Variants in EIF1AD observed in about 807,000 individuals in gnomAD.
EIF1AD encodes eukaryotic translation initiation factor 1A domain containing, also known as probable RNA-binding protein EIF1AD.
A neutral mutation model predicts 21.7 loss-of-function variants in EIF1AD; 9 were observed. The observed-to-expected ratio is 0.41, with a 90% CI of 0.25 to 0.72. The LOEUF is 0.72. Among genes scored for constraint, EIF1AD ranks in the 30% least tolerant of loss-of-function variants. The pLI, the probability that EIF1AD is intolerant of heterozygous loss-of-function variation, is 0.29. For synonymous variants in EIF1AD, 78 were observed against 70.9 expected, an observed-to-expected ratio of 1.10 and a Z score of -0.50; for missense variants, 164 against 199.7, an observed-to-expected ratio of 0.82 and a Z score of 1.08.
In EIF1AD at chr11:66,000,347, G is replaced by A; in HGVS notation, c.43C>T (p.Leu15=). ...TCGGAGGGCACTATGTGCTCCCCTAGCACCTCCTTCACCACATGCTTCCTC... is the reference window on the plus strand; with the variant it reads ...TCGGAGGGCACTATGTGCTCCCCTAACACCTCCTTCACCACATGCTTCCTC... ...TKRKHVVKEV[L]GEHIVPSDQQ... Residue 15 remains leucine (L), a synonymous_variant, in exon 2 of 6, where the codon CTA becomes TTA. Transcript: ENST00000533544. 6.2e-7 allele frequency: 1 copy of A among 1,613,346 alleles called. No individual in the cohort carries two copies. Among genetic ancestry groups the A allele is most frequent in the Non-Finnish European group, 8.5e-7 (1 of 1,179,708 alleles).
rs1855731741 is a variant in EIF1AD, at chr11:65,996,567, T to C, written c.*2032A>G. 6.6e-6 allele frequency: 1 copy of C among 152,130 alleles called. No individual in the cohort carries two copies. 9.4% of individuals were successfully genotyped at this position (152,130 alleles called of 1,614,324 possible). On this transcript the variant is annotated 3_prime_UTR_variant, in exon 6 of 6. Transcript: ENST00000533544. ...ACATATCTTTAACCCATCTCGTTTA[T>C]TTTTTGTATATACATCTACATACAT...
intron 2 of EIF1AD, 60 bp downstream of exon 2, chr11:66,000,243 A>C: frequency 1.2e-6 from 2 of 1,604,182 alleles, no homozygotes; most frequent in Non-Finnish European, 1.7e-6. Flanking sequence ...CCCCCACCCC[A>C]GGGGCCCTCC....
chr11:65,997,283 C>T lies in EIF1AD; in HGVS notation c.*1316G>A, dbSNP rs1328843922. 7.1e-6 allele frequency: 1 copy of T among 140,486 alleles called. No homozygotes were observed. The highest frequency in any genetic ancestry group is 2.6e-5 in the African/African-American group (1 of 37,762). 8.7% of individuals were successfully genotyped at this position (140,486 alleles called of 1,614,324 possible). On this transcript the variant is annotated 3_prime_UTR_variant, in exon 6 of 6. Coordinates refer to ENST00000533544, the MANE Select transcript of EIF1AD (RefSeq NM_001242481.2). ...TGAAGGTTACAGTGAGCCGAGATCA[C>T]ACCACTGCACTCCAGCCTGAGCAAC... is the stretch of plus-strand genomic sequence containing the variant.
In EIF1AD at chr11:65,996,807, G is replaced by C. The variant is rs950684155; in HGVS notation, c.*1792C>G. The C allele has an allele frequency of 6.6e-6, 1 of 151,940 alleles. No individual in the cohort carries two copies. Among genetic ancestry groups the C allele is most frequent in the African/African-American group, 2.4e-5 (1 of 41,342 alleles). The allele number at this position is 151,940 out of a possible 1,614,324, so 9.4% of individuals were successfully genotyped here. ...ATAACATATCACATCCAATAGACAG[G>C]ACAGCCAAAAACACAAAACAAAAAA... On this transcript the variant is annotated 3_prime_UTR_variant, in exon 6 of 6. Coordinates refer to ENST00000533544, the MANE Select transcript of EIF1AD (RefSeq NM_001242481.2).
chr11:65,999,554 G>A lies in EIF1AD; in HGVS notation c.305+13C>T, dbSNP rs1016750454. The A allele has an allele frequency of 6.2e-7, 1 of 1,608,392 alleles. No individual in the cohort carries two copies. The highest frequency in any genetic ancestry group is 1.3e-5 in the African/African-American group (1 of 74,908). On this transcript the variant is annotated intron_variant, in intron 4 of 5. Transcript: ENST00000533544. Reference sequence around the variant, plus strand: ...CAGAAGCCAGACAGCCAATGATCAAGGGGACCACCTACCAAAACCCCTCCT... The same window carrying A: ...CAGAAGCCAGACAGCCAATGATCAAAGGGACCACCTACCAAAACCCCTCCT...
intron 3 of EIF1AD, 46 bp from the exon 4 acceptor site, chr11:65,999,721 A>G (rs778406838): frequency 1.4e-6 from 2 of 1,389,714 alleles, no homozygotes; most frequent in South Asian, 1.2e-5. Flanking sequence ...GCTTGCAATA[A>G]GGAAAGCCAA....
At chr11:66,000,268 G>A in intron 2 of EIF1AD, 35 bp downstream of exon 2, 1 of 1,612,738 alleles carries the variant, frequency 6.2e-7, no homozygotes, top group Non-Finnish European at 8.5e-7. Flanking sequence ...CTGCAGGGGT[G>A]GGGAGCAGAA....
At chr11:65,998,864 A>G (rs934142128) in intron 5 of EIF1AD, 121 bp from the exon 6 acceptor site, 28 of 1,117,320 alleles carry the variant, frequency 2.5e-5, no homozygotes, top group Non-Finnish European at 3.4e-5. Flanking sequence ...AGCACCCTTT[A>G]AAGACTCAAA....
rs761591028 is a variant in EIF1AD, at chr11:66,001,976, TGA to T, written c.-185_-184del. The T allele has an allele frequency of 2.0e-4, 30 of 152,186 alleles. No homozygotes were observed. Among genetic ancestry groups the T allele is most frequent in the Non-Finnish European group, 3.7e-4 (25 of 68,050 alleles). The allele number at this position is 152,186 out of a possible 1,614,324, so 9.4% of individuals were successfully genotyped here. ...CAACACCGCCGTCTAGGCTGGACGC[TGA>T]GAGAGGATCGTCCACGACTCACTTC... On this transcript the variant is annotated 5_prime_UTR_variant, in exon 1 of 6. Transcript: ENST00000533544.
At chr11:66,001,580 T>G (rs890724127) in intron 1 of EIF1AD, among the ~76,000 whole-genome samples, 2 of 150,982 alleles carry the variant, frequency 1.3e-5, no homozygotes, top group African/African-American at 2.4e-5. Context: ...CTGGAAGGAG[T>G]TTGAAATAAA....
At position 65,996,676 on chromosome 11, in the gene EIF1AD, G is replaced by C. The variant is rs1165271312; in HGVS notation, c.*1923C>G. ...TATAAGAGAAAGTAAATGAGAAACAGACAAATGAAGTGGTAGCTGGAGGAC... is the reference window on the plus strand; with the variant it reads ...TATAAGAGAAAGTAAATGAGAAACACACAAATGAAGTGGTAGCTGGAGGAC... On this transcript the variant is annotated 3_prime_UTR_variant, in exon 6 of 6. Coordinates refer to ENST00000533544, the MANE Select transcript of EIF1AD (RefSeq NM_001242481.2). The C allele has an allele frequency of 6.6e-6, 1 of 152,062 alleles. No homozygotes were observed. Among genetic ancestry groups the C allele is most frequent in the African/African-American group, 2.4e-5 (1 of 41,404 alleles). 9.4% of individuals were successfully genotyped at this position (152,062 alleles called of 1,614,324 possible).
chr11:65,999,578 C>T lies in EIF1AD; in HGVS notation c.294G>A (p.Lys98=), dbSNP rs1403428963. The change falls in exon 4 of 6, where the codon AAG becomes AAA. Residue 98 remains lysine (K), a synonymous_variant. Transcript: ENST00000533544. ...LCKDHVRSLQ[K]EGFWPEAFSE... ...AGGGGACCACCTACCAAAACCCCTC[C>T]TTCTGCAGAGAGCGCACGTGGTCCT... The T allele has an allele frequency of 1.2e-6, 2 of 1,613,400 alleles. No homozygotes were observed.
intron 1 of EIF1AD, among the ~76,000 whole-genome samples, chr11:66,001,453 C>G (rs1355467606): frequency 8.9e-6 from 1 of 112,984 alleles, no homozygotes; most frequent in Non-Finnish European, 1.7e-5. Flanking sequence ...GCCTGGGCGA[C>G]AGAGCAAGAC....
At position 65,998,748 on chromosome 11, in the gene EIF1AD, A is replaced by C; in HGVS notation, c.354-5T>G. 6.2e-7 allele frequency: 1 copy of C among 1,614,034 alleles called. No individual in the cohort carries two copies. Among genetic ancestry groups the C allele is most frequent in the Non-Finnish European group, 8.5e-7 (1 of 1,179,960 alleles). On this transcript the variant is annotated splice_polypyrimidine_tract_variant and splice_region_variant and intron_variant, in intron 5 of 5. Coordinates refer to ENST00000533544, the MANE Select transcript of EIF1AD (RefSeq NM_001242481.2). ...GGGAGTTCTGGTTGAGTTTGTCTGC[A>C]CGAAGGGAAGAGAGCAGGGTTAGCC...
Position 65,999,854 on chromosome 11 carries a change from C to A in EIF1AD, c.197-179G>T, listed in dbSNP as rs1364058923. Reference sequence around the variant, plus strand: ...CTGGCAAGCAATAGCATGATCATAGCTGACTGCAGCCTCCACCTCCCAGGC... The same window carrying A: ...CTGGCAAGCAATAGCATGATCATAGATGACTGCAGCCTCCACCTCCCAGGC... On this transcript the variant is annotated intron_variant, in intron 3 of 5. Coordinates refer to ENST00000533544, the MANE Select transcript of EIF1AD (RefSeq NM_001242481.2). The A allele has an allele frequency of 1.2e-5, 8 of 641,734 alleles. No individual in the cohort carries two copies. In the South Asian group the frequency reaches 1.3e-4, roughly 11 times the overall value. The allele number at this position is 641,734 out of a possible 1,614,324, so 39.8% of individuals were successfully genotyped here. A position where few individuals can be genotyped will look rare whatever the true frequency, so the allele number is the denominator to read the frequency against.
chr11:65,998,792 T>C (rs1233712426), intron 5 of EIF1AD, 49 bp from the exon 6 acceptor site: 5 of 1,597,048 alleles, frequency 3.1e-6, no homozygotes, highest in Non-Finnish European at 4.3e-6. Flanking sequence ...TCTGGGAAAA[T>C]AATATCTACA....
rs1391460608 is a variant in EIF1AD, at chr11:65,997,430, G to A, written c.*1169C>T. The stretch of plus-strand genomic sequence containing the variant: ...AGATATGTGCACATCTGCAGAGCTG[G>A]TAACAGGGAGGCAGGCATTCCCTCT... On this transcript the variant is annotated 3_prime_UTR_variant, in exon 6 of 6. Transcript: ENST00000533544. 1 of 152,162 alleles carries A rather than the reference G, an allele frequency of 6.6e-6. No individual in the cohort carries two copies. The highest frequency in any genetic ancestry group is 2.4e-5 in the African/African-American group (1 of 41,434). The allele number at this position is 152,162 out of a possible 1,614,324, so 9.4% of individuals were successfully genotyped here. A position where few individuals can be genotyped will look rare whatever the true frequency, so the allele number is the denominator to read the frequency against.
chr11:65,999,524 G>T, intron 4 of EIF1AD, 43 bp downstream of exon 4: 2 of 1,591,268 alleles, frequency 1.3e-6, no homozygotes, highest in Non-Finnish European at 1.7e-6. Context: ...GGAAGGCAAT[G>T]CCTCCAGAAG....
At position 65,998,598 on chromosome 11, in the gene EIF1AD, C is replaced by T. The variant is rs1855814695; in HGVS notation, c.*1G>A. The T allele has an allele frequency of 6.2e-7, 1 of 1,613,296 alleles. No individual in the cohort carries two copies. Among genetic ancestry groups the T allele is most frequent in the Non-Finnish European group, 8.5e-7 (1 of 1,179,928 alleles). On this transcript the variant is annotated 3_prime_UTR_variant, in exon 6 of 6. Coordinates refer to ENST00000533544, the MANE Select transcript of EIF1AD (RefSeq NM_001242481.2). ...CAAGTGGAGAATTGGGTCCTGGAGT[C>T]TCAGGCTGCCTCCTCCTCTTCACTC...
Sources: allele counts gnomAD v4.1 joint callset (sites outside exome capture counted in the v4.1 genomes callset), GRCh38; gene constraint gnomAD v4.1.1; transcripts MANE v1.5; gene names NCBI Gene and HGNC (gene_info 2026-07-23, HGNC 2026-07-21).